CCBE1: variants seen among roughly 807,000 people sequenced by gnomAD.
CCBE1 encodes the protein collagen and calcium-binding EGF domain-containing protein 1.
CCBE1 carries 37 observed loss-of-function variants against 50.0 expected under a neutral mutation model. That is an observed-to-expected ratio of 0.74 (90% CI 0.57 to 0.97). The LOEUF (loss-of-function observed/expected upper bound fraction) is 0.97, where lower values mean the gene tolerates loss of function less well. CCBE1 is among the 50% of genes least tolerant of loss of function. CCBE1 has a pLI of 0.00. For synonymous variants in CCBE1, 234 were observed against 203.7 expected (o/e 1.15, Z -1.27); for missense variants, 538 against 523.8 (o/e 1.03, Z -0.26).
intron 2 of CCBE1, among the ~76,000 whole-genome samples, chr18:59,532,009 T>C (rs559462152): frequency 1.3e-5 from 2 of 152,360 alleles, no homozygotes; most frequent in South Asian, 2.1e-4. Context: ...ATCATTTCCA[T>C]GTCCACTGGA....
At chr18:59,491,101 C>A (rs981008189) in intron 2 of CCBE1, among the ~76,000 whole-genome samples, 3 of 152,220 alleles carry the variant, frequency 2.0e-5, no homozygotes, top group Admixed American at 2.0e-4. Flanking sequence ...GCTCTCTGAG[C>A]ATTTTAGGAA....
chr18:59,662,487 A>G (rs2054298559), intron 2 of CCBE1, among the ~76,000 whole-genome samples: 1 of 152,208 alleles, frequency 6.6e-6, no homozygotes, highest in Non-Finnish European at 1.5e-5. Flanking sequence ...TGCCAGCACC[A>G]TGGTAGGAAG....
chr18:59,581,227 G>A (rs1413201248), intron 2 of CCBE1, among the ~76,000 whole-genome samples: 2 of 152,032 alleles, frequency 1.3e-5, no homozygotes, highest in Non-Finnish European at 2.9e-5. Flanking sequence ...CGGATCACGA[G>A]GTCAGGAGTT....
chr18:59,697,149 A>AC (rs1480678202), intron 1 of CCBE1, 63 bp downstream of exon 1: 4 of 1,543,004 alleles, frequency 2.6e-6, no homozygotes, highest in Non-Finnish European at 2.6e-6. Flanking sequence ...GACCGCCCGC[A>AC]CCCCGCGAGC....
intron 2 of CCBE1, among the ~76,000 whole-genome samples, chr18:59,498,639 G>A (rs959808363): frequency 2.6e-5 from 4 of 152,202 alleles, no homozygotes; most frequent in African/African-American, 9.6e-5. Flanking sequence ...ATAAACATGA[G>A]TTTGCTCTAA....
At position 59,491,948 on chromosome 18, in the gene CCBE1, C is replaced by G. The variant is rs148346784; in HGVS notation, c.213-11710G>C. Among the ~76,000 whole-genome samples the G allele has an allele frequency of 4.3e-4, 66 of 151,938 alleles. 3 individuals carry two copies. In the East Asian group the frequency reaches 0.012, roughly 28 times the overall value. On this transcript the variant is annotated intron_variant, in intron 2 of 10. Coordinates refer to ENST00000439986, the MANE Select transcript of CCBE1 (RefSeq NM_133459.4). Reference sequence around the variant, plus strand: ...ATTGCCTGAGCTCAGGAGTTCGAGACCAGCCTGGGCAACACGGTGAAACCC... The same window carrying G: ...ATTGCCTGAGCTCAGGAGTTCGAGAGCAGCCTGGGCAACACGGTGAAACCC...
Position 59,645,556 on chromosome 18 carries a change from A to G in CCBE1, c.212+51073T>C, listed in dbSNP as rs565297802. On this transcript the variant is annotated intron_variant, in intron 2 of 10. Transcript: ENST00000439986. ...CATCAAGGTCTCTCTACTCTCAGCC[A>G]TGAAAAGAGAAACCTACATTAAGAT... Among the ~76,000 whole-genome samples, 37 of 152,320 alleles carry G rather than the reference A, an allele frequency of 2.4e-4. 1 individual carries two copies. The highest frequency in any genetic ancestry group is 1.7e-3 in the Admixed American group (26 of 15,304).
intron 6 of CCBE1, among the ~76,000 whole-genome samples, chr18:59,452,580 G>A (rs111309340): frequency 0.15 from 22,809 of 152,100 alleles, 1,779 homozygotes; most frequent in African/African-American, 0.19. Flanking sequence ...GCGACAGAGC[G>A]AGACTTCATC....
intron 2 of CCBE1, among the ~76,000 whole-genome samples, chr18:59,665,060 C>T (rs569434133): frequency 1.8e-4 from 27 of 152,202 alleles, no homozygotes; most frequent in African/African-American, 6.3e-4. Context: ...ATTTTTTCCT[C>T]ATTGCTTGCA....
chr18:59,506,751 C>A (rs1315436803), intron 2 of CCBE1, among the ~76,000 whole-genome samples: 4 of 152,174 alleles, frequency 2.6e-5, no homozygotes, highest in Non-Finnish European at 4.4e-5. Context: ...TGGAGAGGAG[C>A]AGATAGAAGA....
At chr18:59,621,529 A>G (rs2053710052) in intron 2 of CCBE1, among the ~76,000 whole-genome samples, 2 of 152,186 alleles carry the variant, frequency 1.3e-5, no homozygotes, top group African/African-American at 4.8e-5. Context: ...AATTGCTACA[A>G]CTTGCCATGC....
intron 2 of CCBE1, 38 bp downstream of exon 2, chr18:59,696,591 G>A: frequency 1.2e-6 from 2 of 1,612,090 alleles, no homozygotes; most frequent in Non-Finnish European, 1.7e-6. Flanking sequence ...CAGCCCCGGT[G>A]CGCAGTGGCG....
chr18:59,608,409 T>G (rs185147114), intron 2 of CCBE1, among the ~76,000 whole-genome samples: 1 of 152,300 alleles, frequency 6.6e-6, no homozygotes, highest in Admixed American at 6.5e-5. Flanking sequence ...AAAGTGTTGA[T>G]GCAAGACAAA....
At position 59,454,847 on chromosome 18, in the gene CCBE1, G is replaced by A. The variant is rs770958531; in HGVS notation, c.654+4C>T. Reference sequence around the variant, plus strand: ...ATCATCGTTCCCACCCCAGCGGCACGTACCTTTTGCTTCAGCTGCAGCACG... The same window carrying A: ...ATCATCGTTCCCACCCCAGCGGCACATACCTTTTGCTTCAGCTGCAGCACG... On this transcript the variant is annotated splice_donor_region_variant and intron_variant, in intron 6 of 10. Transcript: ENST00000439986. The A allele has an allele frequency of 4.7e-5, 76 of 1,613,146 alleles. No homozygotes were observed. Among genetic ancestry groups the A allele is most frequent in the Non-Finnish European group, 6.0e-5 (71 of 1,179,206 alleles).
At chr18:59,623,004 G>A (rs972327239) in intron 2 of CCBE1, among the ~76,000 whole-genome samples, 10 of 151,962 alleles carry the variant, frequency 6.6e-5, no homozygotes, top group African/African-American at 1.7e-4. Context: ...AAACTAACAT[G>A]AACTATGTAG....
At chr18:59,590,424 CAGTA>C (rs1444799164) in intron 2 of CCBE1, among the ~76,000 whole-genome samples, 49 of 152,266 alleles carry the variant, frequency 3.2e-4, no homozygotes, top group African/African-American at 1.2e-3. Flanking sequence ...CTAGATGACT[CAGTA>C]AGGATCAGTT....
chr18:59,696,307 G>A (rs1288865199), intron 2 of CCBE1, among the ~76,000 whole-genome samples: 1 of 152,140 alleles, frequency 6.6e-6, no homozygotes, highest in Admixed American at 6.5e-5. Context: ...GCAGCCACCC[G>A]TGTTTGCTAT....
chr18:59,494,500 T>C (rs1913254980), intron 2 of CCBE1, among the ~76,000 whole-genome samples: 1 of 146,416 alleles, frequency 6.8e-6, no homozygotes, highest in Admixed American at 7.0e-5. Flanking sequence ...GATAAGAGCA[T>C]GGAGTTGAAA....
intron 2 of CCBE1, among the ~76,000 whole-genome samples, chr18:59,576,058 A>G (rs1363506416): frequency 6.6e-6 from 1 of 152,170 alleles, no homozygotes; most frequent in Non-Finnish European, 1.5e-5. Context: ...ACTTGGCATC[A>G]TGTATTTAAG....
Sources: allele counts gnomAD v4.1 joint callset (sites outside exome capture counted in the v4.1 genomes callset), GRCh38; gene constraint gnomAD v4.1.1; transcripts MANE v1.5; gene names NCBI Gene and HGNC (gene_info 2026-07-23, HGNC 2026-07-21).